The following ITIH6 variants were observed in gnomAD, a reference collection of about 807,000 sequenced individuals.
ITIH6 encodes the protein inter-alpha-trypsin inhibitor heavy chain family member 6.
Under a neutral mutation model 58.2 loss-of-function variants are expected in ITIH6, and 60 were observed. The ratio of observed to expected loss-of-function variants is 1.03; its 90% CI spans 0.84 to 1.28. ITIH6 has a LOEUF of 1.28. ITIH6 is among the 50% of genes most tolerant of loss of function. The pLI is 0.00. For missense variants in ITIH6, 1,290 were observed against 1,021.1 expected (o/e 1.26, Z -3.59); for synonymous variants, 493 against 417.4 (o/e 1.18, Z -2.21).
At chrX:54,775,996 A>G (rs1209878612) in intron 5 of ITIH6, among the ~76,000 whole-genome samples, 10 of 111,755 alleles carry the variant, frequency 8.9e-5, no homozygotes, top group Non-Finnish European at 1.7e-4. Flanking sequence ...TTAACTTCAT[A>G]TCAATGAAAG....
rs61739699 is a variant in ITIH6 at position 54,758,887 on chromosome X, G to T, written c.1187C>A (p.Thr396Lys). The T allele has an allele frequency of 8.3e-7, 1 of 1,210,780 alleles. No individual in the cohort carries two copies. Among genetic ancestry groups the T allele is most frequent in the Non-Finnish European group, 1.1e-6 (1 of 894,994 alleles). ...VGRIPLIIFLTDGEPTAGVTT... is the reference protein window; with the variant it reads ...VGRIPLIIFLKDGEPTAGVTT... ...CACGCCGGCCGTGGGCTCCCCATCC[G>T]TCAGGAAGATGATAAGAGGGATCCT... Residue 396 changes from threonine (T) to lysine (K), a missense_variant, in exon 8 of 13, where the codon ACG becomes AAG. By Grantham distance (78) the Thr-to-Lys change is moderately conservative. Coordinates refer to ENST00000218436, the MANE Select transcript of ITIH6 (RefSeq NM_198510.3).
chrX:54,787,002 A>G (rs973716597), intron 5 of ITIH6, among the ~76,000 whole-genome samples: 2 of 111,222 alleles, frequency 1.8e-5, no homozygotes, highest in Non-Finnish European at 3.8e-5. Flanking sequence ...AGGAGGGGTA[A>G]GGGCTCACGG....
At chrX:54,766,271 G>C (rs1248507535) in intron 6 of ITIH6, among the ~76,000 whole-genome samples, 1 of 101,891 alleles carries the variant, frequency 9.8e-6, no homozygotes, top group East Asian at 3.1e-4. Flanking sequence ...TTGCTTATCA[G>C]CTTAAGGAGA....
chrX:54,768,664 C>A (rs1214764099), intron 6 of ITIH6, among the ~76,000 whole-genome samples: 4 of 107,548 alleles, frequency 3.7e-5, no homozygotes, highest in African/African-American at 1.4e-4. Flanking sequence ...ATATGAAATT[C>A]TGGGTTGAAA....
Position 54,757,273 on chromosome X carries a change from G to A in ITIH6, c.2801C>T (p.Thr934Ile), listed in dbSNP as rs749297559. The change falls in exon 8 of 13, where the codon ACT (threonine) becomes ATT (isoleucine). Residue 934 changes from threonine (T) to isoleucine (I), a missense_variant. Coordinates refer to ENST00000218436, the MANE Select transcript of ITIH6 (RefSeq NM_198510.3). ...ATGCCAGAACCTTCCAGGGGGCAGAGTGGGAGTAAAGGGCATGGGGAGGGG... is the reference window on the plus strand; with the variant it reads ...ATGCCAGAACCTTCCAGGGGGCAGAATGGGAGTAAAGGGCATGGGGAGGGG... ...GEPLPMPFTP[T>I]LPPGRFWHQY... 6.7e-6 allele frequency: 8 copies of A among 1,193,336 alleles called. No individual in the cohort carries two copies. Among genetic ancestry groups the A allele is most frequent in the Non-Finnish European group, 7.9e-6 (7 of 886,007 alleles).
In ITIH6 at chrX:54,757,580, T is replaced by C; in HGVS notation, c.2494A>G (p.Lys832Glu). 8.3e-7 allele frequency: 1 copy of C among 1,210,645 alleles called. No individual in the cohort carries two copies. Among genetic ancestry groups the C allele is most frequent in the Non-Finnish European group, 1.1e-6 (1 of 894,963 alleles). ...AGGTGTGGCATGTTGTTTCGGGTCTTGGGAGCAGGAACCCTAGGTCTGGTG... is the reference window on the plus strand; with the variant it reads ...AGGTGTGGCATGTTGTTTCGGGTCTCGGGAGCAGGAACCCTAGGTCTGGTG... ...LHTRPRVPAPKTRNNMPHLGP... is the reference protein window; with the variant it reads ...LHTRPRVPAPETRNNMPHLGP... The change falls in exon 8 of 13, where the codon AAG becomes GAG. Residue 832 changes from lysine to glutamate, a missense_variant. Physicochemically the swap from Lys to Glu is moderately conservative, Grantham distance 56. Coordinates refer to ENST00000218436, the MANE Select transcript of ITIH6 (RefSeq NM_198510.3).
intron 11 of ITIH6, among the ~76,000 whole-genome samples, 164 bp from the exon 12 acceptor site, chrX:54,751,544 G>A (rs1928361842): frequency 8.9e-6 from 1 of 112,424 alleles, no homozygotes; most frequent in Non-Finnish European, 1.9e-5. Context: ...TTCCTGAGCA[G>A]TGTGTGGAGT....
At chrX:54,770,790 C>G (rs1470964576) in intron 6 of ITIH6, among the ~76,000 whole-genome samples, 1 of 112,471 alleles carries the variant, frequency 8.9e-6, no homozygotes, top group Admixed American at 9.4e-5. Flanking sequence ...TATTCCTTCT[C>G]CAACACTTTT....
At chrX:54,792,161 C>T (rs746898156) in intron 2 of ITIH6, 125 bp from the exon 3 acceptor site, 18 of 464,877 alleles carry the variant, frequency 3.9e-5, no homozygotes, top group Non-Finnish European at 6.0e-5. Flanking sequence ...AAGAACAACA[C>T]AGTGCCATAA....
rs112426435 is a variant in ITIH6, at chrX:54,788,367, C to G, written c.786+113G>C. ...TTTTCACGTCAGCCTATCCTTGTTCCCTAGCCCTTGCTTATCTCTAGGGAA... is the reference window on the plus strand; with the variant it reads ...TTTTCACGTCAGCCTATCCTTGTTCGCTAGCCCTTGCTTATCTCTAGGGAA... On this transcript the variant is annotated intron_variant, in intron 5 of 12. Coordinates refer to ENST00000218436, the MANE Select transcript of ITIH6 (RefSeq NM_198510.3). The G allele has an allele frequency of 0.021, 13,648 of 640,821 alleles. 1,231 individuals carry two copies. In the African/African-American group the frequency reaches 0.27, roughly 13 times the overall value. 52.8% of individuals were successfully genotyped at this position (640,821 alleles called of 1,213,427 possible). A position where few individuals can be genotyped will look rare whatever the true frequency, so the allele number is the denominator to read the frequency against.
At chrX:54,773,489 C>T (rs780572377) in intron 6 of ITIH6, among the ~76,000 whole-genome samples, 1 of 111,253 alleles carries the variant, frequency 9.0e-6, no homozygotes, top group South Asian at 3.8e-4. Flanking sequence ...GTACAAAAAG[C>T]TCCAGGGTAT....
At chrX:54,792,819 C>A (rs939253469) in intron 2 of ITIH6, among the ~76,000 whole-genome samples, 1 of 112,149 alleles carries the variant, frequency 8.9e-6, no homozygotes, top group Non-Finnish European at 1.9e-5. Context: ...AGAAGGTAGT[C>A]TTGAAGCTAA....
At position 54,750,080 on chromosome X, in the gene ITIH6, G is replaced by A. The variant is rs145541040; in HGVS notation, c.3757C>T (p.Leu1253=). ...CATGGCCCCATAGGTCCTGTCACCA[G>A]TCGGATGTCTGCGTGCTGGAACTGC... is the stretch of plus-strand genomic sequence containing the variant. ...IGQFQHADIR[L]VTGPMGPCLR... Residue 1253 remains leucine (L), a synonymous_variant, in exon 13 of 13, where the codon CTG becomes TTG. Coordinates refer to ENST00000218436, the MANE Select transcript of ITIH6 (RefSeq NM_198510.3). 2.0e-3 allele frequency: 2,401 copies of A among 1,207,327 alleles called. 42 individuals carry two copies. The African/African-American group carries it at 0.038, about 19-fold the overall frequency.
At chrX:54,756,512 G>T (rs1489614838) in intron 8 of ITIH6, among the ~76,000 whole-genome samples, 1 of 111,015 alleles carries the variant, frequency 9.0e-6, no homozygotes, top group Non-Finnish European at 1.9e-5. Flanking sequence ...TACTTTTTTT[G>T]GAAATTAAAG....
chrX:54,781,629 T>C (rs1929149880), intron 5 of ITIH6, among the ~76,000 whole-genome samples: 2 of 112,652 alleles, frequency 1.8e-5, no homozygotes, highest in Non-Finnish European at 3.8e-5. Flanking sequence ...TAAACACTGT[T>C]GGTGAGAGCA....
chrX:54,763,130 G>T (rs1051748771), intron 6 of ITIH6, among the ~76,000 whole-genome samples: 1 of 111,816 alleles, frequency 8.9e-6, no homozygotes, highest in African/African-American at 3.3e-5. Context: ...CCTTTATATA[G>T]ATATGGATTT....
chrX:54,783,810 A>G (rs1929193217), intron 5 of ITIH6, among the ~76,000 whole-genome samples: 1 of 112,235 alleles, frequency 8.9e-6, no homozygotes, highest in African/African-American at 3.2e-5. Flanking sequence ...TCGCAATGAC[A>G]TTCTTCACAG....
In ITIH6 at chrX:54,758,698, G is replaced by A; in HGVS notation, c.1376C>T (p.Ala459Val). The change falls in exon 8 of 13, where the codon GCC becomes GTC. Residue 459 changes from alanine (A) to valine (V), a missense_variant. Transcript: ENST00000218436. The part of the protein sequence containing the change: ...ARRIYEDTDA[A>V]LQLKGLYEEI... ...CTCATAGAGGCCCTTCAGCTGTAGGGCCGCATCAGTGTCCTCATATATGCG... is the reference window on the plus strand; with the variant it reads ...CTCATAGAGGCCCTTCAGCTGTAGGACCGCATCAGTGTCCTCATATATGCG... 8.3e-7 allele frequency: 1 copy of A among 1,211,668 alleles called. No homozygotes were observed. Among genetic ancestry groups the A allele is most frequent in the African/African-American group, 1.7e-5 (1 of 57,822 alleles).
At chrX:54,754,163 T>C (rs1236444828) in intron 9 of ITIH6, among the ~76,000 whole-genome samples, 198 bp from the exon 10 acceptor site, 1 of 112,077 alleles carries the variant, frequency 8.9e-6, no homozygotes, top group Non-Finnish European at 1.9e-5. Flanking sequence ...TACCTTCTCT[T>C]CCTAGTGACC....
Sources: allele counts gnomAD v4.1 joint callset (sites outside exome capture counted in the v4.1 genomes callset), GRCh38; gene constraint gnomAD v4.1.1; transcripts MANE v1.5; gene names NCBI Gene and HGNC (gene_info 2026-07-23, HGNC 2026-07-21).